The following CTIF variants were observed in gnomAD, a reference collection of about 807,000 sequenced individuals.
The protein encoded by CTIF is cap binding complex dependent translation initiation factor, also known as CBP80/20-dependent translation initiation factor.
Under a neutral mutation model 66.0 loss-of-function variants are expected in CTIF, and 21 were observed. The ratio of observed to expected loss-of-function variants is 0.32; its 90% CI spans 0.23 to 0.46. CTIF has a LOEUF of 0.46. Among genes scored for constraint, CTIF ranks in the 20% least tolerant of loss-of-function variants. The pLI is 1.00. For missense variants in CTIF, 739 were observed against 812.7 expected, an observed-to-expected ratio of 0.91 and a Z score of 1.10; for synonymous variants, 345 against 326.4, an observed-to-expected ratio of 1.06 and a Z score of -0.62.
At chr18:48,847,306 C>CA (rs34326780) in intron 10 of CTIF, among the ~76,000 whole-genome samples, 4,854 of 83,592 alleles carry the variant, frequency 0.058, 274 homozygotes, top group African/African-American at 0.18. Context: ...GACTCCGTCT[C>CA]AAAAAAAAAA....
chr18:48,780,196 G>A (rs1412907083), intron 9 of CTIF, among the ~76,000 whole-genome samples: 3 of 152,178 alleles, frequency 2.0e-5, no homozygotes, highest in African/African-American at 7.2e-5. Flanking sequence ...ACTAGAGCCT[G>A]TGCGCTATGT....
intron 6 of CTIF, among the ~76,000 whole-genome samples, chr18:48,703,145 C>G (rs1311614350): frequency 6.6e-6 from 1 of 152,210 alleles, no homozygotes; most frequent in East Asian, 1.9e-4. Context: ...ATCTGCCCTA[C>G]CTCCATGGGG....
At chr18:48,741,110 C>T (rs1049239949) in intron 7 of CTIF, among the ~76,000 whole-genome samples, 2 of 152,190 alleles carry the variant, frequency 1.3e-5, no homozygotes, top group South Asian at 4.1e-4. Flanking sequence ...GAGAAAGCAC[C>T]ATGCACGTCA....
intron 6 of CTIF, among the ~76,000 whole-genome samples, chr18:48,708,778 C>T (rs1165582417): frequency 1.3e-5 from 2 of 152,220 alleles, no homozygotes; most frequent in South Asian, 2.1e-4. Flanking sequence ...CCCAGCACAC[C>T]ACCCTGGACC....
chr18:48,647,234 C>T (rs2091058007), intron 3 of CTIF, among the ~76,000 whole-genome samples: 1 of 152,184 alleles, frequency 6.6e-6, no homozygotes, highest in Non-Finnish European at 1.5e-5. Context: ...ATTTATATAA[C>T]ATTCTTGAGA....
At chr18:48,576,478 C>G (rs1195810367) in intron 1 of CTIF, among the ~76,000 whole-genome samples, 1 of 152,366 alleles carries the variant, frequency 6.6e-6, no homozygotes, top group East Asian at 1.9e-4. Flanking sequence ...CCCTGGGTCC[C>G]ACTTGCCACT....
chr18:48,644,736 T>C (rs1239356236), intron 3 of CTIF, among the ~76,000 whole-genome samples: 1 of 152,192 alleles, frequency 6.6e-6, no homozygotes, highest in Admixed American at 6.5e-5. Context: ...CTGGAGGAGA[T>C]GGCAGCATGT....
intron 10 of CTIF, among the ~76,000 whole-genome samples, chr18:48,817,849 G>A (rs1167384360): frequency 2.0e-5 from 3 of 151,928 alleles, no homozygotes; most frequent in African/African-American, 7.3e-5. Flanking sequence ...CCCAAAGCCA[G>A]GTCTTTCTTC....
chr18:48,730,660 C>CGGTGTGAGGAGCCCCTGA (rs1568172165), intron 7 of CTIF, among the ~76,000 whole-genome samples: 1 of 119,322 alleles, frequency 8.4e-6, no homozygotes, highest in Admixed American at 8.1e-5. Flanking sequence ...GGGGCTTCTG[C>CGGTGTGAGGAGCCCCTGA]GGTGTGAGGG....
rs112617886 is a variant in CTIF, at chr18:48,581,718, T to G, written c.-28-37820T>G. Reference sequence around the variant, plus strand: ...CCTGCACAGGACTGGAGAGCTAGCATGAGTATCTGTCCTGCAAGAGCTTAT... The same window carrying G: ...CCTGCACAGGACTGGAGAGCTAGCAGGAGTATCTGTCCTGCAAGAGCTTAT... On this transcript the variant is annotated intron_variant, in intron 1 of 11. Transcript: ENST00000256413. Among the ~76,000 whole-genome samples, 4 of 152,270 alleles carry G rather than the reference T, an allele frequency of 2.6e-5. No individual in the cohort carries two copies. In the East Asian group the frequency reaches 7.7e-4, roughly 29 times the overall value.
intron 9 of CTIF, among the ~76,000 whole-genome samples, chr18:48,777,943 C>T (rs568119785): frequency 2.0e-5 from 3 of 152,288 alleles, no homozygotes; most frequent in East Asian, 1.9e-4. Flanking sequence ...TGCCTGGACC[C>T]GGAAACAGGC....
chr18:48,599,838 G>T (rs141494947), intron 1 of CTIF, among the ~76,000 whole-genome samples: 1 of 152,296 alleles, frequency 6.6e-6, no homozygotes, highest in Non-Finnish European at 1.5e-5. Context: ...TGCGTAGATG[G>T]ACAAGGCCCC....
intron 6 of CTIF, among the ~76,000 whole-genome samples, chr18:48,686,046 A>G (rs1292372814): frequency 1.3e-5 from 2 of 152,216 alleles, no homozygotes; most frequent in Admixed American, 6.5e-5. Flanking sequence ...CTATGTAAAT[A>G]TACTGTTTCT....
At chr18:48,671,206 T>A (rs2091528404) in intron 6 of CTIF, among the ~76,000 whole-genome samples, 1 of 152,152 alleles carries the variant, frequency 6.6e-6, no homozygotes, top group Admixed American at 6.5e-5. Context: ...CTCTTTTTTT[T>A]ATTGATTGGG....
intron 8 of CTIF, chr18:48,760,696 G>C (rs1908901324): frequency 6.6e-6 from 1 of 152,156 alleles, no homozygotes; most frequent in Non-Finnish European, 1.5e-5. Flanking sequence ...CCCTGGTCTG[G>C]TCCTAGTTGC....
intron 3 of CTIF, among the ~76,000 whole-genome samples, chr18:48,650,255 C>T (rs4939552): frequency 0.55 from 84,179 of 152,024 alleles, 26,600 homozygotes; most frequent in East Asian, 0.85. Flanking sequence ...AAATGGCTAA[C>T]TAGAATAAAG....
At chr18:48,596,641 CTAAT>C (rs2089991776) in intron 1 of CTIF, among the ~76,000 whole-genome samples, 1 of 152,014 alleles carries the variant, frequency 6.6e-6, no homozygotes. Context: ...ACACACCTGG[CTAAT>C]TTTTTGTATT....
rs185900645 is a variant in CTIF, at chr18:48,589,630, C to T, written c.-28-29908C>T. 2.6e-5 allele frequency among the ~76,000 whole-genome samples: 4 copies of T among 152,308 alleles called. No homozygotes were observed. The East Asian group carries it at 5.8e-4, about 22-fold the overall frequency. ...TGTTTTTGTGGTGCTAGAGAGGGACCGTGAGGTGTGGGTCACACTGGTTCA... is the reference window on the plus strand; with the variant it reads ...TGTTTTTGTGGTGCTAGAGAGGGACTGTGAGGTGTGGGTCACACTGGTTCA... On this transcript the variant is annotated intron_variant, in intron 1 of 11. Coordinates refer to ENST00000256413, the MANE Select transcript of CTIF (RefSeq NM_014772.3).
chr18:48,857,350 C>T (rs2069352805), intron 10 of CTIF, among the ~76,000 whole-genome samples: 1 of 152,248 alleles, frequency 6.6e-6, no homozygotes, highest in Non-Finnish European at 1.5e-5. Flanking sequence ...CTCCACATCG[C>T]ACCATCACAC....
Sources: gnomAD v4.1 joint callset for allele counts (sites outside exome capture counted in the v4.1 genomes callset) on GRCh38, gnomAD v4.1.1 for gene constraint, MANE v1.5 for transcripts, NCBI Gene and HGNC (gene_info 2026-07-23, HGNC 2026-07-21) for gene names.